Variants in ERC2 observed in about 807,000 individuals in gnomAD.
ERC2 encodes ERC protein 2.
ERC2 carries 42 observed loss-of-function variants against 114.8 expected under a neutral mutation model. The ratio of observed to expected loss-of-function variants is 0.37; its 90% confidence interval spans 0.29 to 0.47. The LOEUF is 0.47. Among genes scored for constraint, ERC2 ranks in the 20% least tolerant of loss-of-function variants. The pLI, the probability that ERC2 is intolerant of heterozygous loss-of-function variation, is 0.99. For missense variants in ERC2, 939 were observed against 1,150.7 expected, an observed-to-expected ratio of 0.82 and a Z score of 2.66; for synonymous variants, 454 against 425.5, an observed-to-expected ratio of 1.07 and a Z score of -0.82.
chr3:55,915,830 A>G (rs1247842575), intron 13 of ERC2, among the ~76,000 whole-genome samples: 1 of 152,168 alleles, frequency 6.6e-6, no homozygotes, highest in Non-Finnish European at 1.5e-5. Flanking sequence ...TGTATTGTAG[A>G]GAGCAAGAAT....
intron 3 of ERC2, among the ~76,000 whole-genome samples, chr3:56,208,802 C>G (rs1034760101): frequency 6.6e-6 from 1 of 152,072 alleles, no homozygotes; most frequent in Non-Finnish European, 1.5e-5. Flanking sequence ...GGGAGGTGCT[C>G]TATAGTCAAG....
intron 2 of ERC2, among the ~76,000 whole-genome samples, chr3:56,304,478 G>A (rs1047815398): frequency 3.3e-5 from 5 of 152,162 alleles, no homozygotes; most frequent in Admixed American, 1.3e-4. Context: ...AAGCCCAGGT[G>A]ATTCCAATTT....
Position 56,425,608 on chromosome 3 carries a change from G to A in ERC2, c.657+8743C>T, listed in dbSNP as rs369588248. Among the ~76,000 whole-genome samples, 5 of 108,960 alleles carry A rather than the reference G, an allele frequency of 4.6e-5. No individual in the cohort carries two copies. In the East Asian group the frequency reaches 1.5e-3, roughly 33 times the overall value. 71.5% of individuals were successfully genotyped at this position (108,960 alleles called of 152,430 possible). ...CTTATGCAGGCTTTGAGCAGCATTT[G>A]TGTCACTACTTTGGAGTCTTGCCCA... On this transcript the variant is annotated intron_variant, in intron 2 of 17. Coordinates refer to ENST00000288221, the MANE Select transcript of ERC2 (RefSeq NM_015576.3).
intron 3 of ERC2, among the ~76,000 whole-genome samples, chr3:56,254,098 G>A (rs568856594): frequency 1.8e-4 from 27 of 152,350 alleles, no homozygotes; most frequent in Middle Eastern, 3.4e-3. Context: ...GAGGGCTAGC[G>A]CCCAAGTTTC....
chr3:55,549,821 A>G (rs748512569), intron 17 of ERC2, among the ~76,000 whole-genome samples: 23 of 151,830 alleles, frequency 1.5e-4, no homozygotes, highest in Non-Finnish European at 3.1e-4. Context: ...ATCCTAGTAC[A>G]TGGTTTTGGT....
chr3:55,786,496 T>C (rs1005738841), intron 14 of ERC2, among the ~76,000 whole-genome samples: 8 of 152,322 alleles, frequency 5.3e-5, no homozygotes, highest in Admixed American at 4.6e-4. Context: ...CTGCTAATTA[T>C]ATATAATTGT....
chr3:56,355,606 C>T (rs2058719959), intron 2 of ERC2, among the ~76,000 whole-genome samples: 1 of 152,184 alleles, frequency 6.6e-6, no homozygotes, highest in African/African-American at 2.4e-5. Context: ...CCACGACACC[C>T]AGCCTATTTC....
intron 4 of ERC2, among the ~76,000 whole-genome samples, chr3:56,170,746 G>A (rs899442988): frequency 1.4e-4 from 20 of 145,114 alleles, no homozygotes; most frequent in African/African-American, 4.8e-4. Context: ...ACAGCTGCCC[G>A]CCACCACACC....
intron 13 of ERC2, among the ~76,000 whole-genome samples, chr3:55,920,446 A>ACACACCCCCCCCC (rs57638674): frequency 6.9e-6 from 1 of 145,446 alleles, no homozygotes; most frequent in African/African-American, 2.6e-5. Flanking sequence ...ACACACACAC[A>ACACACCCCCCCCC]CCCCAAGTGA....
chr3:55,936,089 C>T (rs933162319), intron 13 of ERC2, among the ~76,000 whole-genome samples: 4 of 152,116 alleles, frequency 2.6e-5, no homozygotes, highest in Non-Finnish European at 5.9e-5. Context: ...GTCCTCACTT[C>T]GAAGGAGGTC....
intron 14 of ERC2, among the ~76,000 whole-genome samples, chr3:55,766,960 CT>C (rs1187941418): frequency 6.6e-6 from 1 of 152,162 alleles, no homozygotes; most frequent in Non-Finnish European, 1.5e-5. Context: ...TTCCTGCCAC[CT>C]GTGTTTCCCA....
chr3:56,192,413 T>C (rs1163529920), intron 3 of ERC2, among the ~76,000 whole-genome samples: 1 of 152,222 alleles, frequency 6.6e-6, no homozygotes, highest in African/African-American at 2.4e-5. Context: ...ATAATGTACA[T>C]AATCTCATTT....
intron 13 of ERC2, among the ~76,000 whole-genome samples, chr3:55,924,008 T>G (rs2065601640): frequency 1.3e-5 from 2 of 152,180 alleles, no homozygotes; most frequent in Non-Finnish European, 2.9e-5. Context: ...ATTAAAAACC[T>G]TATTATTAAG....
In ERC2 at chr3:56,091,818, G is replaced by A. The variant is rs1043136456; in HGVS notation, c.1474-10834C>T. On this transcript the variant is annotated intron_variant, in intron 6 of 17. Coordinates refer to ENST00000288221, the MANE Select transcript of ERC2 (RefSeq NM_015576.3). ...AATTGAGCCTTTGGCCTTTCAAGGC[G>A]TCTAGTTAATGTCAATGATGTATTT... Among the ~76,000 whole-genome samples the A allele has an allele frequency of 1.4e-4, 21 of 152,112 alleles. No homozygotes were observed. In the East Asian group the frequency reaches 1.5e-3, roughly 11 times the overall value.
chr3:55,987,164 T>G (rs1253835539), intron 11 of ERC2, among the ~76,000 whole-genome samples: 1 of 152,118 alleles, frequency 6.6e-6, no homozygotes, highest in Non-Finnish European at 1.5e-5. Flanking sequence ...GTATCTGAAA[T>G]CCCCCTGCAG....
chr3:55,690,331 A>T (rs1399796458), intron 16 of ERC2, among the ~76,000 whole-genome samples: 1 of 152,158 alleles, frequency 6.6e-6, no homozygotes, highest in African/African-American at 2.4e-5. Context: ...TCAGTTATAG[A>T]AAAAAAGAGA....
chr3:55,671,943 G>C (rs547475365), intron 17 of ERC2, among the ~76,000 whole-genome samples: 7 of 152,240 alleles, frequency 4.6e-5, no homozygotes, highest in African/African-American at 1.7e-4. Flanking sequence ...GGAGGACCCT[G>C]GCCTATTGAA....
chr3:55,845,414 G>A (rs1457100295), intron 14 of ERC2, among the ~76,000 whole-genome samples: 1 of 144,238 alleles, frequency 6.9e-6, no homozygotes, highest in Non-Finnish European at 1.5e-5. Context: ...TGAGGCAGGA[G>A]AATGCCGTGA....
At chr3:56,152,064 T>C (rs1019730842) in intron 4 of ERC2, among the ~76,000 whole-genome samples, 1 of 152,184 alleles carries the variant, frequency 6.6e-6, no homozygotes, top group Admixed American at 6.6e-5. Flanking sequence ...ATCGTGGGCC[T>C]TCCTTAGAGA....
Sources: allele counts gnomAD v4.1 joint callset (sites outside exome capture counted in the v4.1 genomes callset), GRCh38; gene constraint gnomAD v4.1.1; transcripts MANE v1.5; gene names NCBI Gene and HGNC (gene_info 2026-07-23, HGNC 2026-07-21).